The following OCM variants were observed in gnomAD, a reference collection of about 807,000 sequenced individuals.
The protein encoded by OCM is oncomodulin, also known as oncomodulin-1.
In OCM, 18 loss-of-function variants were observed where a neutral mutation model predicts 14.1. The observed-to-expected ratio is 1.28, with a 90% CI of 0.88 to 1.89. The LOEUF is 1.89. Ranked by LOEUF, OCM falls within the 40% of genes most tolerant of loss-of-function variation. The pLI, the probability that OCM is intolerant of heterozygous loss-of-function variation, is 0.00. For missense variants in OCM, 140 were observed against 137.6 expected, an observed-to-expected ratio of 1.02 and a Z score of -0.09; for synonymous variants, 48 against 51.0, an observed-to-expected ratio of 0.94 and a Z score of 0.25.
chr7:5,864,723 G>T, the OCM span, among the ~76,000 whole-genome samples: 5,526 of 152,214 alleles, frequency 0.036, 133 homozygotes, highest in Non-Finnish European at 0.053. Context: ...GGGAGGCCAA[G>T]CCAGGCGGAT....
At chr7:5,860,491 A>G in the OCM span, among the ~76,000 whole-genome samples, 263 of 121,026 alleles carry the variant, frequency 2.2e-3, 4 homozygotes, top group East Asian at 7.5e-3. Flanking sequence ...ATATACGTGT[A>G]TATATATATT....
At chr7:5,865,512 G>A in the OCM span, among the ~76,000 whole-genome samples, 6 of 152,198 alleles carry the variant, frequency 3.9e-5, no homozygotes, top group Non-Finnish European at 7.3e-5. Flanking sequence ...TTAGAACACC[G>A]TGAAGGTCAT....
At chr7:5,862,857 A>G in the OCM span, among the ~76,000 whole-genome samples, 1 of 152,008 alleles carries the variant, frequency 6.6e-6, no homozygotes, top group South Asian at 2.1e-4. Flanking sequence ...ATGTGGATTT[A>G]CTGAGCTCAA....
chr7:5,864,236 G>A, the OCM span, among the ~76,000 whole-genome samples: 9 of 151,386 alleles, frequency 5.9e-5, no homozygotes, highest in African/African-American at 2.2e-4. Context: ...CTCCTGGTTG[G>A]GGGGGATGCT....
chr7:5,863,282 C>T, the OCM span, among the ~76,000 whole-genome samples: 2 of 152,104 alleles, frequency 1.3e-5, no homozygotes, highest in South Asian at 2.1e-4. Context: ...CACAGATGCT[C>T]CTGTGGCTGA....
the OCM span, among the ~76,000 whole-genome samples, chr7:5,872,741 A>G: frequency 1.3e-5 from 2 of 152,194 alleles, no homozygotes; most frequent in African/African-American, 4.8e-5. Context: ...ACACTGCCGA[A>G]GGCCGCAGGG....
chr7:5,883,249 A>G (rs2128607032), intron 2 of OCM, among the ~76,000 whole-genome samples: 1 of 152,284 alleles, frequency 6.6e-6, no homozygotes, highest in Non-Finnish European at 1.5e-5. Flanking sequence ...TACTCAGAAG[A>G]CTGAAGCACA....
chr7:5,875,531 T>G (rs988868114), upstream of OCM, among the ~76,000 whole-genome samples: 9 of 151,992 alleles, frequency 5.9e-5, no homozygotes, highest in African/African-American at 2.2e-4. Flanking sequence ...TGGTCTCGAA[T>G]TCCTGGGCCC....
the OCM span, among the ~76,000 whole-genome samples, chr7:5,864,089 C>T: frequency 2.0e-5 from 3 of 152,052 alleles, no homozygotes; most frequent in East Asian, 3.9e-4. Context: ...CCTGAAATCC[C>T]GGCACTTTAG....
At chr7:5,882,722 C>T in intron 2 of OCM, 97 bp downstream of exon 2, 3 of 1,435,638 alleles carry the variant, frequency 2.1e-6, no homozygotes, top group South Asian at 1.3e-5. Context: ...CAATGGCCAG[C>T]CTTGGTGTTG....
chr7:5,869,782 C>T, the OCM span, among the ~76,000 whole-genome samples: 1 of 152,034 alleles, frequency 6.6e-6, no homozygotes, highest in Non-Finnish European at 1.5e-5. Context: ...ACGTGCTTGC[C>T]CTGGCAGCCT....
chr7:5,883,755 C>A (rs774635837), intron 2 of OCM, 135 bp from the exon 3 acceptor site: 1 of 907,044 alleles, frequency 1.1e-6, no homozygotes, highest in Non-Finnish European at 1.7e-6. Flanking sequence ...CTTAAGGAAA[C>A]CTTTGCTTGC....
At chr7:5,860,124 C>A in the OCM span, among the ~76,000 whole-genome samples, 2 of 151,806 alleles carry the variant, frequency 1.3e-5, no homozygotes, top group Admixed American at 6.6e-5. Context: ...GACCCTGGAG[C>A]GAGAGATGCC....
At chr7:5,871,174 C>CG in the OCM span, among the ~76,000 whole-genome samples, 5,262 of 52,496 alleles carry the variant, frequency 0.1, 118 homozygotes, top group Admixed American at 0.15. Flanking sequence ...TAGTGAGAGC[C>CG]CCCCCCCCGT....
the OCM span, among the ~76,000 whole-genome samples, chr7:5,869,886 C>G: frequency 6.6e-6 from 1 of 152,068 alleles, no homozygotes; most frequent in East Asian, 1.9e-4. Context: ...ATTGGCTGAC[C>G]CAGGACAAGA....
chr7:5,884,844 G>GC (rs1485834320), intron 3 of OCM, among the ~76,000 whole-genome samples: 2 of 152,138 alleles, frequency 1.3e-5, no homozygotes, highest in African/African-American at 4.8e-5. Context: ...CAGGGGCTGG[G>GC]CGTGGTGGCT....
chr7:5,881,363 G>A (rs181368894), intron 1 of OCM, among the ~76,000 whole-genome samples: 139 of 151,064 alleles, frequency 9.2e-4, no homozygotes, highest in African/African-American at 3.2e-3. Context: ...GCTCACATCT[G>A]TAATCCCAAC....
upstream of OCM, among the ~76,000 whole-genome samples, chr7:5,877,165 C>T (rs1460722786): frequency 6.6e-6 from 1 of 151,932 alleles, no homozygotes; most frequent in Non-Finnish European, 1.5e-5. Flanking sequence ...TCTATTTTTG[C>T]ACTTTTTAAA....
chr7:5,869,646 C>A, the OCM span, among the ~76,000 whole-genome samples: 2 of 152,072 alleles, frequency 1.3e-5, no homozygotes, highest in Admixed American at 1.3e-4. Context: ...ACTGTATCCT[C>A]CCCTATGATC....
Sources: gnomAD v4.1 joint callset for allele counts (sites outside exome capture counted in the v4.1 genomes callset) on GRCh38, gnomAD v4.1.1 for gene constraint, MANE v1.5 for transcripts, NCBI Gene and HGNC (gene_info 2026-07-23, HGNC 2026-07-21) for gene names.